The following CSMD1 variants were observed in gnomAD, a reference collection of about 807,000 sequenced individuals.
CSMD1 encodes CUB and Sushi multiple domains 1, also known as CUB and sushi domain-containing protein 1.
In CSMD1, 213 loss-of-function variants were observed where a neutral mutation model predicts 417.5. The ratio of observed to expected loss-of-function variants is 0.51; its 90% CI spans 0.46 to 0.57. The LOEUF is 0.57. Among genes scored for constraint, CSMD1 ranks in the 20% least tolerant of loss-of-function variants. The pLI is 0.00. For synonymous variants in CSMD1, 2,862 were observed against 1,736.8 expected, an observed-to-expected ratio of 1.65 and a Z score of -16.11; for missense variants, 6,923 against 4,529.7, an observed-to-expected ratio of 1.53 and a Z score of -15.17.
At chr8:4,442,236 A>C (rs1798524919) in intron 2 of CSMD1, among the ~76,000 whole-genome samples, 1 of 152,208 alleles carries the variant, frequency 6.6e-6, no homozygotes, top group African/African-American at 2.4e-5. Context: ...CAGTGCAGTG[A>C]TGGCTGTTTA....
At chr8:3,332,685 G>A (rs997841347) in intron 23 of CSMD1, among the ~76,000 whole-genome samples, 8 of 151,682 alleles carry the variant, frequency 5.3e-5, no homozygotes, top group Admixed American at 1.3e-4. Context: ...GCATGTGTGC[G>A]TGCGCACACA....
At chr8:3,977,531 GC>G (rs1813530588) in intron 5 of CSMD1, among the ~76,000 whole-genome samples, 2 of 152,206 alleles carry the variant, frequency 1.3e-5, no homozygotes, top group African/African-American at 4.8e-5. Context: ...TTTGGATTCT[GC>G]TGTTCAGAGC....
intron 12 of CSMD1, among the ~76,000 whole-genome samples, chr8:3,425,859 C>A (rs1013875214): frequency 2.0e-5 from 3 of 152,048 alleles, no homozygotes; most frequent in Admixed American, 6.6e-5. Context: ...TAGAATAAAA[C>A]TGATCAAAGA....
intron 3 of CSMD1, among the ~76,000 whole-genome samples, chr8:4,136,891 A>C (rs562675695): frequency 2.6e-5 from 4 of 152,358 alleles, no homozygotes; most frequent in African/African-American, 9.6e-5. Flanking sequence ...CAGAAACTTA[A>C]CAAAGAAAAC....
At chr8:4,766,088 G>T (rs1449102367) in intron 1 of CSMD1, among the ~76,000 whole-genome samples, 2 of 152,062 alleles carry the variant, frequency 1.3e-5, no homozygotes, top group Non-Finnish European at 2.9e-5. Context: ...TTTTTTCAAA[G>T]GTTATTACAT....
At chr8:4,211,257 C>A (rs1290533347) in intron 3 of CSMD1, among the ~76,000 whole-genome samples, 2 of 151,684 alleles carry the variant, frequency 1.3e-5, no homozygotes, top group Non-Finnish European at 2.9e-5. Context: ...GGAAAAGAAA[C>A]TGAAAGAAAT....
intron 2 of CSMD1, among the ~76,000 whole-genome samples, chr8:4,606,204 C>A (rs568611434): frequency 6.6e-6 from 1 of 152,094 alleles, no homozygotes; most frequent in Non-Finnish European, 1.5e-5. Context: ...ACTCAGCACG[C>A]CTTGCAGGTC....
intron 5 of CSMD1, among the ~76,000 whole-genome samples, chr8:3,838,624 T>TATATAATAAATTAATATTATATAGTA: frequency 7.5e-6 from 1 of 133,622 alleles, no homozygotes; most frequent in South Asian, 2.2e-4. Context: ...AATAAATAAA[T>TATATAATAAATTAATATTATATAGTA]TAATATATAA....
At chr8:3,982,205 T>TAAA (rs1431620783) in intron 5 of CSMD1, among the ~76,000 whole-genome samples, 5 of 138,502 alleles carry the variant, frequency 3.6e-5, no homozygotes, top group African/African-American at 1.3e-4. Context: ...ATAAAAAAAA[T>TAAA]AATAATAATA....
intron 1 of CSMD1, among the ~76,000 whole-genome samples, chr8:4,711,202 G>A (rs1333921824): frequency 2.0e-5 from 3 of 150,028 alleles, no homozygotes; most frequent in Non-Finnish European, 4.4e-5. Flanking sequence ...TACTTGGAAA[G>A]GCAAATTTGA....
chr8:4,661,240 A>C (rs1044082311), intron 1 of CSMD1, among the ~76,000 whole-genome samples: 2 of 152,174 alleles, frequency 1.3e-5, no homozygotes, highest in African/African-American at 2.4e-5. Flanking sequence ...TGAATGGCTA[A>C]ATAAATTGTG....
At chr8:4,960,781 G>A (rs909680630) in intron 1 of CSMD1, among the ~76,000 whole-genome samples, 10 of 152,152 alleles carry the variant, frequency 6.6e-5, no homozygotes, top group Non-Finnish European at 4.4e-5. Flanking sequence ...ATCTAAGCAA[G>A]AACAGATGAT....
intron 5 of CSMD1, among the ~76,000 whole-genome samples, chr8:3,933,639 T>G (rs1363316620): frequency 2.0e-5 from 3 of 152,206 alleles, no homozygotes; most frequent in African/African-American, 7.2e-5. Context: ...GTCTCTATAT[T>G]GAAGAGATTT....
chr8:4,645,857 T>G (rs954428011), intron 1 of CSMD1, among the ~76,000 whole-genome samples: 1 of 152,170 alleles, frequency 6.6e-6, no homozygotes, highest in Non-Finnish European at 1.5e-5. Flanking sequence ...ACCCCACGCC[T>G]GCATGTGCTC....
chr8:3,563,241 C>G (rs1726053565), intron 10 of CSMD1, among the ~76,000 whole-genome samples: 2 of 151,908 alleles, frequency 1.3e-5, no homozygotes, highest in Non-Finnish European at 2.9e-5. Flanking sequence ...CATCTCCGCA[C>G]AAACCGGGAT....
At chr8:3,577,709 T>A (rs986937701) in intron 9 of CSMD1, among the ~76,000 whole-genome samples, 14 of 152,220 alleles carry the variant, frequency 9.2e-5, no homozygotes, top group African/African-American at 3.1e-4. Flanking sequence ...AGGACATTGT[T>A]GAAAGCTTGT....
chr8:4,993,025 C>T (rs1048484431), intron 1 of CSMD1, among the ~76,000 whole-genome samples: 5 of 152,194 alleles, frequency 3.3e-5, no homozygotes, highest in African/African-American at 1.2e-4. Flanking sequence ...GCACGTCTCT[C>T]CCCCGCTCTC....
intron 1 of CSMD1, among the ~76,000 whole-genome samples, chr8:4,748,382 T>C (rs560302346): frequency 2.2e-4 from 33 of 152,364 alleles, no homozygotes; most frequent in African/African-American, 7.9e-4. Flanking sequence ...CTCCTTTGAA[T>C]ACTTTTTAAA....
chr8:3,435,563 CA>C (rs1171186052), intron 12 of CSMD1, among the ~76,000 whole-genome samples: 1 of 152,132 alleles, frequency 6.6e-6, no homozygotes, highest in East Asian at 1.9e-4. Context: ...GACTTCGAAT[CA>C]GCACATCTCG....
Sources: gnomAD v4.1 joint callset for allele counts (sites outside exome capture counted in the v4.1 genomes callset) on GRCh38, gnomAD v4.1.1 for gene constraint, MANE v1.5 for transcripts, NCBI Gene and HGNC (gene_info 2026-07-23, HGNC 2026-07-21) for gene names.